The following ARMCX4 variants were observed in gnomAD, a reference collection of about 807,000 sequenced individuals.
ARMCX4 encodes the protein armadillo repeat containing X-linked 4.
Under a neutral mutation model 34.7 loss-of-function variants are expected in ARMCX4, and 3 were observed. The observed-to-expected ratio is 0.09, with a 90% confidence interval of 0.04 to 0.22. ARMCX4 has a LOEUF of 0.22. Ranked by LOEUF, ARMCX4 falls within the 10% of genes least tolerant of loss-of-function variation. The pLI, the probability that ARMCX4 is intolerant of heterozygous loss-of-function variation, is 1.00. For missense variants in ARMCX4, 1,448 were observed against 1,720.8 expected (o/e 0.84, Z 2.81); for synonymous variants, 513 against 632.8 (o/e 0.81, Z 2.84).
At chrX:101,478,144 A>G (rs1309930168) in intron 4 of ARMCX4, among the ~76,000 whole-genome samples, 1 of 112,424 alleles carries the variant, frequency 8.9e-6, no homozygotes, top group Non-Finnish European at 1.9e-5. Flanking sequence ...GTTACATATA[A>G]TAAGATGAAA....
chrX:101,451,922 G>C (rs183602030), downstream of ARMCX4, among the ~76,000 whole-genome samples: 1 of 112,209 alleles, frequency 8.9e-6, no homozygotes, highest in South Asian at 3.6e-4. Context: ...AGATTTCAAA[G>C]AATTCAAGTC....
chrX:101,529,057 G>A (rs1201877701), intron 11 of ARMCX4, among the ~76,000 whole-genome samples: 2 of 111,333 alleles, frequency 1.8e-5, no homozygotes, highest in Non-Finnish European at 3.8e-5. Flanking sequence ...CAAAGCTGGA[G>A]GTATCACGCT....
At chrX:101,503,092 A>G (rs1934345341) in intron 7 of ARMCX4, among the ~76,000 whole-genome samples, 1 of 108,825 alleles carries the variant, frequency 9.2e-6, no homozygotes, top group African/African-American at 3.4e-5. Flanking sequence ...AGCTTCATCC[A>G]TGTCCCTATA....
chrX:101,476,212 C>T (rs782229729), intron 4 of ARMCX4, among the ~76,000 whole-genome samples: 1 of 108,501 alleles, frequency 9.2e-6, no homozygotes, highest in Non-Finnish European at 1.9e-5. Context: ...ATGTTCCAGG[C>T]CCTGTTTCAG....
chrX:101,530,483 TA>T (rs1358375837), intron 11 of ARMCX4, among the ~76,000 whole-genome samples: 1 of 106,551 alleles, frequency 9.4e-6, no homozygotes, highest in Non-Finnish European at 1.9e-5. Context: ...TAAAGTATAA[TA>T]AAAAAATAAA....
intron 2 of ARMCX4, among the ~76,000 whole-genome samples, chrX:101,430,946 T>C (rs782208596): frequency 9.9e-5 from 11 of 111,196 alleles, no homozygotes; most frequent in Admixed American, 1.9e-4. Flanking sequence ...GAGTGTGGAT[T>C]GTATCCAATT....
chrX:101,507,802 T>C (rs1447302602), intron 8 of ARMCX4, among the ~76,000 whole-genome samples: 13 of 112,028 alleles, frequency 1.2e-4, no homozygotes, highest in African/African-American at 4.2e-4. Context: ...ATTTTAAAAA[T>C]TTACTTTTCA....
At chrX:101,432,960 A>C (rs1248064297) in intron 2 of ARMCX4, among the ~76,000 whole-genome samples, 2 of 45,786 alleles carry the variant, frequency 4.4e-5, no homozygotes, top group Non-Finnish European at 1.1e-4. Context: ...ACATGTATAC[A>C]TATGTGTATA....
At chrX:101,438,165 A>T (rs1294909089) in intron 2 of ARMCX4, among the ~76,000 whole-genome samples, 1 of 111,712 alleles carries the variant, frequency 9.0e-6, no homozygotes, top group Non-Finnish European at 1.9e-5. Flanking sequence ...GGTTCTGTAG[A>T]TGTCTATTAG....
chrX:101,453,953 A>G (rs1932126385), intron 4 of ARMCX4, among the ~76,000 whole-genome samples: 1 of 110,701 alleles, frequency 9.0e-6, no homozygotes, highest in Non-Finnish European at 1.9e-5. Flanking sequence ...TAGAAAGTTT[A>G]AACTTCCCTA....
chrX:101,481,131 A>G (rs1933427783), upstream of ARMCX4, among the ~76,000 whole-genome samples: 3 of 111,783 alleles, frequency 2.7e-5, no homozygotes, highest in African/African-American at 9.8e-5. Flanking sequence ...CTCAAAACAA[A>G]ACAAAAAAAA....
intron 4 of ARMCX4, among the ~76,000 whole-genome samples, chrX:101,454,305 T>A (rs1258516654): frequency 9.4e-6 from 1 of 106,583 alleles, no homozygotes; most frequent in Non-Finnish European, 1.9e-5. Context: ...AGATGGAGTC[T>A]CGCTCTGTCG....
chrX:101,466,478 CA>C (rs782242873), intron 4 of ARMCX4, among the ~76,000 whole-genome samples: 1 of 111,911 alleles, frequency 8.9e-6, no homozygotes, highest in East Asian at 2.8e-4. Context: ...AACCTAGAAA[CA>C]ACCCAAGTGT....
intron 11 of ARMCX4, chrX:101,524,313 A>G (rs1934917029): frequency 8.9e-6 from 1 of 112,367 alleles, no homozygotes; most frequent in Admixed American, 9.4e-5. Context: ...GCTGAAAATG[A>G]AAAGTAAAGA....
intron 4 of ARMCX4, among the ~76,000 whole-genome samples, chrX:101,463,730 G>A (rs1006723413): frequency 9.0e-6 from 1 of 111,143 alleles, no homozygotes; most frequent in Non-Finnish European, 1.9e-5. Context: ...CCTACTATGT[G>A]TAGTATTAAT....
chrX:101,484,936 G>A (rs951152372), upstream of ARMCX4, among the ~76,000 whole-genome samples: 3 of 111,151 alleles, frequency 2.7e-5, no homozygotes, highest in East Asian at 8.4e-4. Flanking sequence ...AAAGGAACAC[G>A]AAAAAGAAAA....
intron 2 of ARMCX4, among the ~76,000 whole-genome samples, chrX:101,436,160 G>GT (rs1338724389): frequency 3.7e-5 from 4 of 108,369 alleles, no homozygotes; most frequent in Admixed American, 1.0e-4. Context: ...CTTTAAAGTA[G>GT]TTTTTTCCAA....
At chrX:101,451,175 A>G (rs183094348), downstream of ARMCX4, among the ~76,000 whole-genome samples, 484 of 110,966 alleles carry the variant, frequency 4.4e-3, no homozygotes, top group Non-Finnish European at 7.3e-3. Context: ...CTGTCTTTCA[A>G]GTTTATTTAG....
Position 101,494,493 on chromosome X carries a change from CA to C in ARMCX4, c.5909del (p.Lys1970SerfsTer25). On this transcript the variant is annotated frameshift_variant, in exon 6 of 6. Transcript: ENST00000423738. LOFTEE classifies it high-confidence loss of function. ...ACAAATCTGCACCTAAGGCTAAAGC[CA>C]AAAAGTCATCTGAGTCAAGAGGCAT... ...EDKSAPKAKA[K>X]KSSESRGIYP... The C allele has an allele frequency of 8.7e-7, 1 of 1,155,073 alleles. No individual in the cohort carries two copies. Among genetic ancestry groups the C allele is most frequent in the Non-Finnish European group, 1.1e-6 (1 of 872,564 alleles).
Sources: allele counts gnomAD v4.1 joint callset (sites outside exome capture counted in the v4.1 genomes callset), GRCh38; gene constraint gnomAD v4.1.1; transcripts MANE v1.5; gene names NCBI Gene and HGNC (gene_info 2026-07-23, HGNC 2026-07-21).